The following CASD1 variants were observed in gnomAD, a reference collection of about 807,000 sequenced individuals.
The protein encoded by CASD1 is N-acetylneuraminate (7)9-O-acetyltransferase.
In CASD1, 41 loss-of-function variants were observed where a neutral mutation model predicts 100.0. That is an observed-to-expected ratio of 0.41 (90% confidence interval 0.32 to 0.53). The LOEUF is 0.53. CASD1 is among the 20% of genes least tolerant of loss of function. The pLI, the probability that CASD1 is intolerant of heterozygous loss-of-function variation, is 0.25. For synonymous variants in CASD1, 321 were observed against 315.6 expected (o/e 1.02, Z -0.18); for missense variants, 774 against 948.7 (o/e 0.82, Z 2.42).
At chr7:94,568,772 A>T in the CASD1 span, among the ~76,000 whole-genome samples, 1 of 152,226 alleles carries the variant, frequency 6.6e-6, no homozygotes, top group South Asian at 2.1e-4. Context: ...TATTGCCCTT[A>T]TAAAAGAAGC....
chr7:94,613,253 T>C, the CASD1 span, among the ~76,000 whole-genome samples: 640 of 152,364 alleles, frequency 4.2e-3, 1 homozygote, highest in African/African-American at 0.015. Context: ...TTTAAAAATA[T>C]GTAATTTTGT....
At chr7:94,515,770 A>C (rs1460684358) in intron 1 of CASD1, among the ~76,000 whole-genome samples, 1 of 152,166 alleles carries the variant, frequency 6.6e-6, no homozygotes, top group Non-Finnish European at 1.5e-5. Flanking sequence ...GAAAAGAAAA[A>C]GAAGAAAACC....
At chr7:94,602,525 A>C in the CASD1 span, among the ~76,000 whole-genome samples, 2 of 152,136 alleles carry the variant, frequency 1.3e-5, no homozygotes, top group African/African-American at 2.4e-5. Context: ...GAATTGACAG[A>C]AGTTATATCT....
chr7:94,557,359 T>C (rs2116448369), downstream of CASD1, among the ~76,000 whole-genome samples: 1 of 152,236 alleles, frequency 6.6e-6, no homozygotes, highest in South Asian at 2.1e-4. Context: ...CTTAATCTTT[T>C]GACATTTCCC....
the CASD1 span, among the ~76,000 whole-genome samples, chr7:94,584,042 T>A: frequency 2.6e-5 from 4 of 152,190 alleles, no homozygotes; most frequent in African/African-American, 7.2e-5. Flanking sequence ...TGCTGGCCAA[T>A]GATTTCTCTC....
At chr7:94,566,914 T>C in the CASD1 span, among the ~76,000 whole-genome samples, 1 of 152,154 alleles carries the variant, frequency 6.6e-6, no homozygotes. Context: ...TGTGGCAGTA[T>C]GATGGCTCTT....
At chr7:94,515,732 TAGAAAAGGGGAGGG>T (rs1388626027) in intron 1 of CASD1, among the ~76,000 whole-genome samples, 4 of 151,654 alleles carry the variant, frequency 2.6e-5, no homozygotes, top group Non-Finnish European at 5.9e-5. Context: ...CCCCTCCCCC[TAGAAAAGGGGAGGG>T]GAGAAAGAAA....
chr7:94,580,007 A>G, the CASD1 span, among the ~76,000 whole-genome samples: 2 of 152,184 alleles, frequency 1.3e-5, no homozygotes, highest in Admixed American at 6.6e-5. Flanking sequence ...TTTCCAAAGT[A>G]TCAATGTAAC....
At chr7:94,616,319 TAATA>T in the CASD1 span, among the ~76,000 whole-genome samples, 1 of 152,198 alleles carries the variant, frequency 6.6e-6, no homozygotes, top group African/African-American at 2.4e-5. Context: ...CTGACATGTG[TAATA>T]AATAGGAAAT....
chr7:94,560,413 A>G (rs1796320415), downstream of CASD1, among the ~76,000 whole-genome samples: 1 of 152,188 alleles, frequency 6.6e-6, no homozygotes, highest in Non-Finnish European at 1.5e-5. Flanking sequence ...AGTCTGAGGA[A>G]TCCAGTACTT....
the CASD1 span, among the ~76,000 whole-genome samples, chr7:94,573,267 G>A: frequency 6.6e-6 from 1 of 152,192 alleles, no homozygotes; most frequent in African/African-American, 2.4e-5. Flanking sequence ...TGTGAAGAGT[G>A]TCATTGGTAG....
chr7:94,538,891 T>G, intron 9 of CASD1, 76 bp from the exon 10 acceptor site: 1 of 708,448 alleles, frequency 1.4e-6, no homozygotes, highest in Non-Finnish European at 2.3e-6. Flanking sequence ...AAGAAAACTT[T>G]TAACATACTT....
chr7:94,605,995 A>G, the CASD1 span, among the ~76,000 whole-genome samples: 18 of 151,852 alleles, frequency 1.2e-4, no homozygotes, highest in Non-Finnish European at 2.2e-4. Context: ...CACCCAGCTA[A>G]TTTTTGTATT....
chr7:94,616,299 T>C, the CASD1 span, among the ~76,000 whole-genome samples: 1 of 152,150 alleles, frequency 6.6e-6, no homozygotes, highest in African/African-American at 2.4e-5. Context: ...TTTGCACTTA[T>C]TACTTGTGGC....
At chr7:94,612,604 C>G in the CASD1 span, among the ~76,000 whole-genome samples, 1 of 152,078 alleles carries the variant, frequency 6.6e-6, no homozygotes. Context: ...AATAATATTA[C>G]AAAGACTATC....
chr7:94,587,629 C>CTTA, the CASD1 span: 1 of 1,429,112 alleles, frequency 7.0e-7, no homozygotes. Context: ...CTCCTGAATG[C>CTTA]TTACAAAGTA....
the CASD1 span, chr7:94,629,847 A>G: frequency 2.5e-6 from 4 of 1,610,364 alleles, no homozygotes; most frequent in South Asian, 4.4e-5. Context: ...GTACACTGAA[A>G]ACAAAGAGGA....
At chr7:94,524,581 T>C (rs1402499856) in intron 3 of CASD1, among the ~76,000 whole-genome samples, 1 of 152,148 alleles carries the variant, frequency 6.6e-6, no homozygotes, top group Non-Finnish European at 1.5e-5. Context: ...GAAAATAATT[T>C]GCGTTATCAT....
chr7:94,584,399 C>T, the CASD1 span, among the ~76,000 whole-genome samples: 3 of 152,042 alleles, frequency 2.0e-5, no homozygotes, highest in Admixed American at 6.6e-5. Flanking sequence ...GTGGCAATGC[C>T]CTAGTTAACT....
Sources: gnomAD v4.1 joint callset for allele counts (sites outside exome capture counted in the v4.1 genomes callset) on GRCh38, gnomAD v4.1.1 for gene constraint, MANE v1.5 for transcripts, NCBI Gene and HGNC (gene_info 2026-07-23, HGNC 2026-07-21) for gene names.